CACNA2D1: variants seen among roughly 807,000 people sequenced by gnomAD.
CACNA2D1 encodes the protein voltage-dependent calcium channel subunit alpha-2/delta-1.
CACNA2D1 carries 53 observed loss-of-function variants against 171.5 expected under a neutral mutation model. That is an observed-to-expected ratio of 0.31 (90% CI 0.25 to 0.39). The LOEUF is 0.39. CACNA2D1 is among the 10% of genes least tolerant of loss of function. The pLI is 1.00. For synonymous variants in CACNA2D1, 442 were observed against 443.1 expected (o/e 1.00, Z 0.03); for missense variants, 903 against 1,299.8 (o/e 0.69, Z 4.69).
At chr7:82,379,867 C>T (rs962109769) in intron 1 of CACNA2D1, among the ~76,000 whole-genome samples, 2 of 151,982 alleles carry the variant, frequency 1.3e-5, no homozygotes, top group Non-Finnish European at 2.9e-5. Flanking sequence ...TTTCTCTTAC[C>T]CTTCCTCCAA....
chr7:82,324,647 G>A (rs1198624533), intron 3 of CACNA2D1, among the ~76,000 whole-genome samples: 1 of 151,976 alleles, frequency 6.6e-6, no homozygotes, highest in Non-Finnish European at 1.5e-5. Flanking sequence ...AGTGTGTAAC[G>A]TAAGAGAGGA....
chr7:82,051,280 G>A (rs1405396555), intron 10 of CACNA2D1, among the ~76,000 whole-genome samples: 2 of 152,130 alleles, frequency 1.3e-5, no homozygotes, highest in Admixed American at 6.5e-5. Flanking sequence ...CTGGGAAAGG[G>A]CTCACCTTCC....
At chr7:81,971,499 A>G (rs1328964167) in intron 26 of CACNA2D1, among the ~76,000 whole-genome samples, 5 of 151,632 alleles carry the variant, frequency 3.3e-5, no homozygotes, top group South Asian at 2.1e-4. Flanking sequence ...TAGAAATCCT[A>G]CTTTAGCACA....
intron 1 of CACNA2D1, among the ~76,000 whole-genome samples, chr7:82,435,974 C>T (rs1162648938): frequency 6.6e-6 from 1 of 152,162 alleles, no homozygotes; most frequent in African/African-American, 2.4e-5. Context: ...TTTCTTTAGA[C>T]CATGCCCCTT....
intron 3 of CACNA2D1, among the ~76,000 whole-genome samples, chr7:82,245,660 T>TCACA (rs1413247886): frequency 2.9e-5 from 4 of 139,346 alleles, no homozygotes; most frequent in African/African-American, 1.1e-4. Flanking sequence ...TCTCTCTCTC[T>TCACA]CTCACACACA....
At chr7:82,349,725 C>T (rs937906126) in intron 1 of CACNA2D1, 76 bp from the exon 2 acceptor site, 41 of 1,110,300 alleles carry the variant, frequency 3.7e-5, no homozygotes, top group Middle Eastern at 4.6e-4. Flanking sequence ...TTTATATCCA[C>T]GCTACAGATA....
At chr7:82,330,102 A>AT (rs1817137550) in intron 3 of CACNA2D1, among the ~76,000 whole-genome samples, 1 of 152,020 alleles carries the variant, frequency 6.6e-6, no homozygotes, top group Non-Finnish European at 1.5e-5. Context: ...GCTATCAAAG[A>AT]GATAGCAACT....
chr7:82,196,390 G>A (rs1012299249), intron 3 of CACNA2D1, among the ~76,000 whole-genome samples: 5 of 152,022 alleles, frequency 3.3e-5, no homozygotes, highest in African/African-American at 7.2e-5. Context: ...GCTTGAAAAG[G>A]CAGACTAGCT....
Position 82,014,457 on chromosome 7 carries a change from A to G in CACNA2D1, c.1166T>C (p.Val389Ala). ...DKKVRVFTFS[V>A]GQHNYDRGPI... ...TCCTCTGTCATAATTGTGTTGACCA[A>G]CTGAAAACGTGAATACACGTACCTG... The change falls in exon 13 of 39, where the codon GTT (valine) becomes GCT (alanine). Residue 389 changes from valine to alanine, a missense_variant. By Grantham distance (64) the Val-to-Ala change is moderately conservative (BLOSUM62 0). Around this residue, in one of 5 missense-constraint regions of CACNA2D1, gnomAD observed 623 missense variants for 925.5 expected, o/e 0.67. Transcript: ENST00000356860. The G allele has an allele frequency of 1.3e-6, 2 of 1,594,000 alleles. No individual in the cohort carries two copies. The highest frequency in any genetic ancestry group is 1.7e-6 in the Non-Finnish European group (2 of 1,161,726).
intron 3 of CACNA2D1, among the ~76,000 whole-genome samples, chr7:82,203,041 G>A (rs187603297): frequency 1.3e-5 from 2 of 152,226 alleles, no homozygotes; most frequent in Non-Finnish European, 2.9e-5. Context: ...TGTGCAACCC[G>A]GTCCCCCCTA....
At chr7:81,951,138 C>G (rs1792472005) in intron 38 of CACNA2D1, among the ~76,000 whole-genome samples, 1 of 151,912 alleles carries the variant, frequency 6.6e-6, no homozygotes, top group Admixed American at 6.6e-5. Context: ...GAGAGCTAAG[C>G]TAGGAAGAGA....
At chr7:82,066,736 C>G (rs967515204) in intron 7 of CACNA2D1, among the ~76,000 whole-genome samples, 1 of 152,080 alleles carries the variant, frequency 6.6e-6, no homozygotes, top group Non-Finnish European at 1.5e-5. Flanking sequence ...ATAGTCGATT[C>G]TCTTTTTACG....
intron 3 of CACNA2D1, among the ~76,000 whole-genome samples, chr7:82,298,276 G>T (rs1411694687): frequency 6.6e-6 from 1 of 152,066 alleles, no homozygotes; most frequent in African/African-American, 2.4e-5. Flanking sequence ...GAGTGTACTA[G>T]TATATATAAA....
intron 38 of CACNA2D1, among the ~76,000 whole-genome samples, chr7:81,956,797 T>TGCGTGG (rs1793423222): frequency 6.6e-6 from 1 of 152,100 alleles, no homozygotes; most frequent in South Asian, 2.1e-4. Flanking sequence ...CGTGCTCTAG[T>TGCGTGG]AATACATCAT....
chr7:81,959,853 A>G (rs903260413), intron 36 of CACNA2D1, 24 bp from the exon 37 acceptor site: 16 of 1,606,856 alleles, frequency 1.0e-5, no homozygotes, highest in Non-Finnish European at 1.3e-5. Flanking sequence ...ATGGTATCAT[A>G]GAAAATGAGT....
intron 1 of CACNA2D1, among the ~76,000 whole-genome samples, chr7:82,411,897 A>T (rs79746743): frequency 5.9e-5 from 8 of 136,342 alleles, no homozygotes; most frequent in South Asian, 2.3e-4. Context: ...ACTAAATCTC[A>T]CACACACACA....
At chr7:82,396,713 A>C (rs1825791595) in intron 1 of CACNA2D1, among the ~76,000 whole-genome samples, 1 of 152,202 alleles carries the variant, frequency 6.6e-6, no homozygotes, top group African/African-American at 2.4e-5. Flanking sequence ...TCTTATATCC[A>C]AATAATGAAG....
intron 1 of CACNA2D1, among the ~76,000 whole-genome samples, chr7:82,423,381 A>G (rs1354050617): frequency 6.6e-6 from 1 of 152,182 alleles, no homozygotes; most frequent in African/African-American, 2.4e-5. Flanking sequence ...ATCAAAAGGG[A>G]ATAGCTACCT....
At chr7:81,983,271 G>T in intron 23 of CACNA2D1, 43 bp downstream of exon 23, 1 of 1,522,870 alleles carries the variant, frequency 6.6e-7, no homozygotes, top group Non-Finnish European at 9.1e-7. Context: ...GAAATGTCAA[G>T]TGTACTAAAC....
Sources: gnomAD v4.1 joint callset for allele counts (sites outside exome capture counted in the v4.1 genomes callset) on GRCh38, gnomAD v4.1.1 for gene constraint, gnomAD v4.1.1 regional missense constraint, MANE v1.5 for transcripts, NCBI Gene and HGNC (gene_info 2026-07-23, HGNC 2026-07-21) for gene names.